Variants in PDE3B observed in about 807,000 individuals in gnomAD.
The protein encoded by PDE3B is cGMP-inhibited 3',5'-cyclic phosphodiesterase 3B.
In PDE3B, 66 loss-of-function variants were observed where a neutral mutation model predicts 116.8. The ratio of observed to expected loss-of-function variants is 0.56; its 90% CI spans 0.46 to 0.69. The LOEUF (loss-of-function observed/expected upper bound fraction) is 0.69, where lower values mean the gene tolerates loss of function less well. PDE3B is among the 30% of genes least tolerant of loss of function. The pLI is 0.00. For synonymous variants in PDE3B, 595 were observed against 533.6 expected, an observed-to-expected ratio of 1.12 and a Z score of -1.59; for missense variants, 1,384 against 1,368.1, an observed-to-expected ratio of 1.01 and a Z score of -0.18.
At chr11:14,682,550 G>A (rs1854743188) in intron 1 of PDE3B, among the ~76,000 whole-genome samples, 1 of 152,062 alleles carries the variant, frequency 6.6e-6, no homozygotes, top group South Asian at 2.1e-4. Context: ...AATGTTGAAT[G>A]CTGTCAAATG....
Position 14,830,799 on chromosome 11 carries a change from G to C in PDE3B, c.1909G>C (p.Gly637Arg), listed in dbSNP as rs780871214. 5.9e-6 allele frequency: 9 copies of C among 1,535,528 alleles called. No individual in the cohort carries two copies. Among genetic ancestry groups the C allele is most frequent in the African/African-American group, 4.3e-5 (3 of 70,014 alleles). The stretch of plus-strand genomic sequence containing the variant: ...AGACAGCAGAAAATTATTTCAGGAA[G>C]GTGATAAGTGGCTAACAGAAGAGGC... ...KKDSRKLFQE[G>R]DKWLTEEAQS... The change falls in exon 8 of 16, where the codon GGT (glycine) becomes CGT (arginine). Residue 637 changes from glycine to arginine, a missense_variant. Gly to Arg is a moderately radical substitution (Grantham distance 125). This residue lies in a region of PDE3B where 956 missense variants were observed against 806.8 expected (regional missense o/e 1.18). Transcript: ENST00000282096.
chr11:14,682,326 A>T (rs1188451636), intron 1 of PDE3B, among the ~76,000 whole-genome samples: 3 of 152,200 alleles, frequency 2.0e-5, no homozygotes, highest in African/African-American at 4.8e-5. Flanking sequence ...TCTAATCTGT[A>T]TACTTTTTAT....
chr11:14,788,332 A>G (rs551248509), intron 3 of PDE3B, among the ~76,000 whole-genome samples: 2 of 152,072 alleles, frequency 1.3e-5, no homozygotes, highest in African/African-American at 2.4e-5. Context: ...ATATGAACCT[A>G]AATGACACTC....
chr11:14,729,942 A>G (rs1856409691), intron 1 of PDE3B, among the ~76,000 whole-genome samples: 1 of 152,212 alleles, frequency 6.6e-6, no homozygotes, highest in Non-Finnish European at 1.5e-5. Flanking sequence ...GTTACTGAGA[A>G]GCTTACAGAA....
At chr11:14,658,246 A>G (rs1853774260) in intron 1 of PDE3B, among the ~76,000 whole-genome samples, 6 of 152,342 alleles carry the variant, frequency 3.9e-5, no homozygotes, top group East Asian at 1.9e-4. Context: ...TCTTCCTCAT[A>G]GAAGCCATAG....
At chr11:14,654,064 A>G (rs918286451) in intron 1 of PDE3B, among the ~76,000 whole-genome samples, 1 of 152,148 alleles carries the variant, frequency 6.6e-6, no homozygotes, top group African/African-American at 2.4e-5. Context: ...GAGTTGGAGA[A>G]TAAGAAGTAA....
At chr11:14,746,238 A>C (rs1466755931) in intron 1 of PDE3B, among the ~76,000 whole-genome samples, 1 of 152,150 alleles carries the variant, frequency 6.6e-6, no homozygotes, top group African/African-American at 2.4e-5. Flanking sequence ...TACTAAAAAT[A>C]CAAAAATTAG....
chr11:14,718,688 A>G (rs1192819192), intron 1 of PDE3B, among the ~76,000 whole-genome samples: 1 of 151,070 alleles, frequency 6.6e-6, no homozygotes, highest in African/African-American at 2.4e-5. Flanking sequence ...ACATAATGAA[A>G]TGAAGGCAGA....
chr11:14,862,824 G>A (rs567486628), intron 14 of PDE3B, among the ~76,000 whole-genome samples: 5 of 152,196 alleles, frequency 3.3e-5, no homozygotes, highest in East Asian at 1.9e-4. Flanking sequence ...CGCCCACCTC[G>A]GCCTCCCAAA....
intron 7 of PDE3B, among the ~76,000 whole-genome samples, chr11:14,819,786 AT>A (rs1859460375): frequency 6.6e-6 from 1 of 152,194 alleles, no homozygotes; most frequent in Non-Finnish European, 1.5e-5. Flanking sequence ...AACTAAAAAA[AT>A]CTTATGAATC....
chr11:14,837,597 A>G (rs530265022), intron 11 of PDE3B, among the ~76,000 whole-genome samples: 3 of 152,290 alleles, frequency 2.0e-5, no homozygotes, highest in Non-Finnish European at 4.4e-5. Flanking sequence ...GACCTTAATG[A>G]CCATTTTTCT....
At chr11:14,780,833 G>A (rs967479508) in intron 2 of PDE3B, among the ~76,000 whole-genome samples, 1 of 152,110 alleles carries the variant, frequency 6.6e-6, no homozygotes, top group African/African-American at 2.4e-5. Context: ...AACTGAAGGA[G>A]ATAGAGACAC....
At chr11:14,831,877 CAAT>C (rs951398942) in intron 9 of PDE3B, 100 bp downstream of exon 9, 2 of 692,296 alleles carry the variant, frequency 2.9e-6, no homozygotes, top group African/African-American at 1.9e-5. Context: ...ACTAGTTCAA[CAAT>C]GACATTGTTC....
At chr11:14,755,941 G>A (rs1158225164) in intron 1 of PDE3B, among the ~76,000 whole-genome samples, 24 of 152,150 alleles carry the variant, frequency 1.6e-4, no homozygotes, top group Admixed American at 1.6e-3. Context: ...TACTGGTAGA[G>A]TTTCAACTAT....
chr11:14,656,931 C>A (rs564390939), intron 1 of PDE3B, among the ~76,000 whole-genome samples: 1 of 152,254 alleles, frequency 6.6e-6, no homozygotes, highest in Non-Finnish European at 1.5e-5. Flanking sequence ...AAAGCAAATC[C>A]TTTCCATAAG....
rs1466529617 is a variant in PDE3B at position 14,644,248 on chromosome 11, A to G, written c.173A>G (p.Glu58Gly). 6.3e-7 allele frequency: 1 copy of G among 1,574,872 alleles called. No individual in the cohort carries two copies. Among genetic ancestry groups the G allele is most frequent in the Non-Finnish European group, 8.6e-7 (1 of 1,168,310 alleles). Residue 58 changes from glutamate (E) to glycine (G), a missense_variant, in exon 1 of 16, where the codon GAG becomes GGG. Glu to Gly is a moderately conservative substitution (Grantham distance 98). This residue lies in a region of PDE3B where 956 missense variants were observed against 806.8 expected (regional missense o/e 1.18). Transcript: ENST00000282096. ...CACCTCTGCCGCTTCTGCAACGTGG[A>G]GCTGCGGCCGCCGCCGGCCTCTCCC... Reference protein sequence around the residue: ...FFHLCRFCNVELRPPPASPQQ... With the variant: ...FFHLCRFCNVGLRPPPASPQQ...
intron 12 of PDE3B, among the ~76,000 whole-genome samples, chr11:14,856,054 C>G (rs1590197332): frequency 6.6e-6 from 1 of 152,316 alleles, no homozygotes; most frequent in Non-Finnish European, 1.5e-5. Context: ...ATGTCAAGGG[C>G]AGGGCCCTGG....
intron 8 of PDE3B, among the ~76,000 whole-genome samples, chr11:14,831,438 C>A (rs1859879302): frequency 6.6e-6 from 1 of 151,598 alleles, no homozygotes; most frequent in Non-Finnish European, 1.5e-5. Flanking sequence ...GTCTTACACC[C>A]AGGAGTTATG....
intron 1 of PDE3B, among the ~76,000 whole-genome samples, chr11:14,653,750 G>T (rs968756790): frequency 2.0e-5 from 3 of 152,102 alleles, no homozygotes; most frequent in Admixed American, 2.0e-4. Flanking sequence ...TGTAATCTCA[G>T]CACTTTGGGA....
Sources: allele counts gnomAD v4.1 joint callset (sites outside exome capture counted in the v4.1 genomes callset), GRCh38; gene constraint gnomAD v4.1.1; regional missense constraint gnomAD v4.1.1; transcripts MANE v1.5; gene names NCBI Gene and HGNC (gene_info 2026-07-23, HGNC 2026-07-21).